The following TMEM163 variants were observed in gnomAD, a reference collection of about 807,000 sequenced individuals.
TMEM163 encodes transmembrane protein 163.
In TMEM163, 17 loss-of-function variants were observed where a neutral mutation model predicts 29.3. The observed-to-expected ratio is 0.58, with a 90% CI of 0.40 to 0.87. The LOEUF is 0.87. Ranked by LOEUF, TMEM163 falls within the 40% of genes least tolerant of loss-of-function variation. The pLI is 0.00. For synonymous variants in TMEM163, 157 were observed against 160.6 expected (o/e 0.98, Z 0.17); for missense variants, 303 against 381.5 (o/e 0.79, Z 1.71).
At chr2:134,550,962 A>G (rs566311635) in intron 3 of TMEM163, among the ~76,000 whole-genome samples, 1 of 152,304 alleles carries the variant, frequency 6.6e-6, no homozygotes, top group South Asian at 2.1e-4. Flanking sequence ...TGGTTTCCCC[A>G]TGATAGTCAA....
At chr2:134,597,059 A>G (rs1682103854) in intron 2 of TMEM163, among the ~76,000 whole-genome samples, 1 of 152,184 alleles carries the variant, frequency 6.6e-6, no homozygotes, top group South Asian at 2.1e-4. Context: ...TCATCTGCAA[A>G]CAGGGACAAT....
intron 2 of TMEM163, among the ~76,000 whole-genome samples, chr2:134,663,419 A>C (rs1214624929): frequency 6.6e-6 from 1 of 152,082 alleles, no homozygotes; most frequent in Non-Finnish European, 1.5e-5. Context: ...TGCTACTTCC[A>C]AAAAAAATCA....
At chr2:134,612,351 G>A (rs1682523444) in intron 2 of TMEM163, among the ~76,000 whole-genome samples, 1 of 152,120 alleles carries the variant, frequency 6.6e-6, no homozygotes, top group African/African-American at 2.4e-5. Context: ...GTCCACAGGG[G>A]CCTTTGGAAA....
chr2:134,525,945 G>A (rs1434275722), intron 4 of TMEM163, among the ~76,000 whole-genome samples: 1 of 152,232 alleles, frequency 6.6e-6, no homozygotes, highest in African/African-American at 2.4e-5. Context: ...AGAAGGCAGG[G>A]ATGCTGCGGG....
chr2:134,690,423 T>C (rs1438338706), intron 2 of TMEM163, among the ~76,000 whole-genome samples: 2 of 151,598 alleles, frequency 1.3e-5, no homozygotes, highest in Non-Finnish European at 2.9e-5. Flanking sequence ...GTAGCTGGGA[T>C]TACAAGTGTG....
At chr2:134,589,256 C>A (rs1314404852) in intron 2 of TMEM163, among the ~76,000 whole-genome samples, 1 of 152,158 alleles carries the variant, frequency 6.6e-6, no homozygotes, top group African/African-American at 2.4e-5. Context: ...GGCATTTGAA[C>A]CAGAGCAACT....
At chr2:134,600,658 CA>C (rs747548039) in intron 2 of TMEM163, among the ~76,000 whole-genome samples, 90 of 152,104 alleles carry the variant, frequency 5.9e-4, no homozygotes, top group Non-Finnish European at 1.0e-3. Flanking sequence ...AATAGGGCAT[CA>C]AAAAGCACCT....
intron 2 of TMEM163, among the ~76,000 whole-genome samples, chr2:134,592,491 T>A (rs534386729): frequency 6.6e-6 from 1 of 152,344 alleles, no homozygotes; most frequent in African/African-American, 2.4e-5. Context: ...GAATTTAGTA[T>A]CTTATGGCCA....
intron 2 of TMEM163, among the ~76,000 whole-genome samples, chr2:134,552,478 T>C (rs1366005972): frequency 1.3e-5 from 2 of 152,064 alleles, no homozygotes; most frequent in Non-Finnish European, 1.5e-5. Flanking sequence ...AAGTAAGGCA[T>C]ACACCATTGC....
chr2:134,498,035 G>A (rs1037230422), intron 5 of TMEM163, among the ~76,000 whole-genome samples: 3 of 152,156 alleles, frequency 2.0e-5, no homozygotes, highest in Non-Finnish European at 2.9e-5. Flanking sequence ...CCACAGCAGG[G>A]CTCTCCTCTA....
chr2:134,485,598 AC>A (rs1261104771), intron 5 of TMEM163, among the ~76,000 whole-genome samples: 8 of 152,298 alleles, frequency 5.3e-5, no homozygotes, highest in Admixed American at 3.9e-4. Flanking sequence ...CCTCCGGGAA[AC>A]CTCGTTCTGT....
intron 2 of TMEM163, among the ~76,000 whole-genome samples, chr2:134,556,130 C>G (rs1252399218): frequency 6.6e-6 from 1 of 152,102 alleles, no homozygotes; most frequent in Admixed American, 6.6e-5. Flanking sequence ...GAGAATGAAG[C>G]CAACACAAGA....
Position 134,502,850 on chromosome 2 carries a change from AG to A in TMEM163, c.555+50del, listed in dbSNP as rs760175974. The stretch of plus-strand genomic sequence containing the variant: ...GGAACCCTGCGATAAGAGGCAGCCC[AG>A]GGGGCCAGCGCTGGCAGGAAGGATT... On this transcript the variant is annotated intron_variant, in intron 5 of 7. Coordinates refer to ENST00000281924, the MANE Select transcript of TMEM163 (RefSeq NM_030923.5). The A allele has an allele frequency of 2.6e-6, 4 of 1,544,414 alleles. No homozygotes were observed. The Admixed American group carries it at 5.2e-5, about 20-fold the overall frequency.
intron 2 of TMEM163, among the ~76,000 whole-genome samples, chr2:134,686,693 G>A (rs1360600620): frequency 6.6e-6 from 1 of 152,164 alleles, no homozygotes; most frequent in Non-Finnish European, 1.5e-5. Context: ...GTAATACTAA[G>A]AAATTTGGAG....
intron 2 of TMEM163, among the ~76,000 whole-genome samples, chr2:134,650,110 C>A (rs189365526): frequency 6.7e-6 from 1 of 149,896 alleles, no homozygotes; most frequent in Non-Finnish European, 1.5e-5. Flanking sequence ...TAGGGCAATA[C>A]GCACAGTACA....
At chr2:134,585,523 A>T (rs1210328534) in intron 2 of TMEM163, among the ~76,000 whole-genome samples, 2 of 152,198 alleles carry the variant, frequency 1.3e-5, no homozygotes, top group South Asian at 2.1e-4. Context: ...CGGGCAGATT[A>T]CGAGGTCAAG....
chr2:134,663,024 G>A (rs57000054), intron 2 of TMEM163, among the ~76,000 whole-genome samples: 16,170 of 152,194 alleles, frequency 0.11, 1,056 homozygotes, highest in South Asian at 0.17. Context: ...TCTGGCGTGG[G>A]AGTCTTGAGT....
chr2:134,583,499 T>C (rs1309432109), intron 2 of TMEM163, among the ~76,000 whole-genome samples: 1 of 152,136 alleles, frequency 6.6e-6, no homozygotes, highest in Non-Finnish European at 1.5e-5. Flanking sequence ...ACCATGACAC[T>C]TCTCACTCAA....
chr2:134,568,612 GAAAAGAAAGAA>G (rs1288479331), intron 2 of TMEM163, among the ~76,000 whole-genome samples: 1 of 115,960 alleles, frequency 8.6e-6, no homozygotes, highest in Non-Finnish European at 1.8e-5. Context: ...AAGAAAGAAG[GAAAAGAAAGAA>G]AAAAGAAAGA....
Sources: gnomAD v4.1 joint callset for allele counts (sites outside exome capture counted in the v4.1 genomes callset) on GRCh38, gnomAD v4.1.1 for gene constraint, MANE v1.5 for transcripts, NCBI Gene and HGNC (gene_info 2026-07-23, HGNC 2026-07-21) for gene names.